Variants in ITPR3 observed in about 807,000 individuals in gnomAD.
ITPR3 encodes inositol 1,4,5-trisphosphate-gated calcium channel ITPR3.
A neutral mutation model predicts 293.2 loss-of-function variants in ITPR3; 173 were observed. The ratio of observed to expected loss-of-function variants is 0.59; its 90% CI spans 0.52 to 0.67. The LOEUF is 0.67. Among genes scored for constraint, ITPR3 ranks in the 30% least tolerant of loss-of-function variants. The pLI is 0.00. For synonymous variants in ITPR3, 1,295 were observed against 1,444.4 expected, an observed-to-expected ratio of 0.90 and a Z score of 2.35; for missense variants, 2,796 against 3,592.1, an observed-to-expected ratio of 0.78 and a Z score of 5.66.
chr6:33,685,895 G>T, intron 41 of ITPR3, 68 bp downstream of exon 41: 1 of 1,539,152 alleles, frequency 6.5e-7, no homozygotes, highest in African/African-American at 1.4e-5. Flanking sequence ...AGGCAGTGTG[G>T]CTGGTGTCCC....
In ITPR3 at chr6:33,673,481, G is replaced by C. The variant is rs1006352362; in HGVS notation, c.2929-110G>C. 5 of 1,400,938 alleles carry C rather than the reference G, an allele frequency of 3.6e-6. No individual in the cohort carries two copies. In the South Asian group the frequency reaches 5.3e-5, roughly 15 times the overall value. 86.8% of individuals were successfully genotyped at this position (1,400,938 alleles called of 1,614,324 possible). A position where few individuals can be genotyped will look rare whatever the true frequency, so the allele number is the denominator to read the frequency against. On this transcript the variant is annotated intron_variant, in intron 22 of 57. Transcript: ENST00000605930. ...GAGGACCCTGCTGCCCCAAGTGCTA[G>C]AGCCTATTTGGGGGCTCCCTGCCCC... is the stretch of plus-strand genomic sequence containing the variant.
rs373772951 is a variant in ITPR3, at chr6:33,640,613, G to A, written c.160+59G>A. 2.6e-5 allele frequency: 35 copies of A among 1,365,882 alleles called. No individual in the cohort carries two copies. The African/African-American group carries it at 3.2e-4, about 12-fold the overall frequency. The allele number at this position is 1,365,882 out of a possible 1,614,324, so 84.6% of individuals were successfully genotyped here. On this transcript the variant is annotated intron_variant, in intron 2 of 57. Coordinates refer to ENST00000605930, the MANE Select transcript of ITPR3 (RefSeq NM_002224.4). ...CCAGGCTGCAGGGTTCTGGACCTGC[G>A]ACTGAATTTATTCAACTGCATTCAG...
intron 6 of ITPR3, 139 bp downstream of exon 6, chr6:33,659,258 A>C (rs1319235238): frequency 1.1e-6 from 1 of 918,332 alleles, no homozygotes; most frequent in South Asian, 1.6e-5. Flanking sequence ...CGGCTTCTGC[A>C]TCCATTTCCC....
Position 33,659,489 on chromosome 6 carries a change from C to A in ITPR3, c.651C>A (p.Thr217=). The change falls in exon 7 of 58, where the codon ACC becomes ACA. Residue 217 remains threonine (T), a synonymous_variant. Coordinates refer to ENST00000605930, the MANE Select transcript of ITPR3 (RefSeq NM_002224.4). ...CKEVNSVNCN[T]SWKINLFMQF... is the part of the protein sequence containing the mutation. ...AGGTCAATTCTGTGAACTGCAACAC[C>A]AGCTGGAAGATCAACCTGTTTATGC... The A allele has an allele frequency of 6.2e-7, 1 of 1,614,150 alleles. No homozygotes were observed. The highest frequency in any genetic ancestry group is 8.5e-7 in the Non-Finnish European group (1 of 1,179,998).
At chr6:33,668,020 G>A in intron 16 of ITPR3, 56 bp downstream of exon 16, 18 of 1,582,750 alleles carry the variant, frequency 1.1e-5, no homozygotes, top group Non-Finnish European at 1.6e-5. Flanking sequence ...CCCTTGCCTG[G>A]GTAGAAACTC....
rs371482846 is a variant in ITPR3 at position 33,670,281 on chromosome 6, C to T, written c.2190-44C>T. 56 of 1,609,416 alleles carry T rather than the reference C, an allele frequency of 3.5e-5. No homozygotes were observed. Among genetic ancestry groups the T allele is most frequent in the African/African-American group, 3.1e-4 (23 of 74,830 alleles). On this transcript the variant is annotated intron_variant, in intron 18 of 57. Coordinates refer to ENST00000605930, the MANE Select transcript of ITPR3 (RefSeq NM_002224.4). This position sits in a 1 kb window ranked among gnomAD's most constrained non-coding sequence, Gnocchi z 6.7. ...CTAGTGCCCAGTGCCAGCAGCCTCCCGGCTGCCATCTGCCGTGTCCTCACA... is the reference window on the plus strand; with the variant it reads ...CTAGTGCCCAGTGCCAGCAGCCTCCTGGCTGCCATCTGCCGTGTCCTCACA...
At chr6:33,695,264 C>T (rs933033457) in intron 57 of ITPR3, 179 bp downstream of exon 57, 14 of 686,874 alleles carry the variant, frequency 2.0e-5, no homozygotes, top group Non-Finnish European at 2.4e-5. Flanking sequence ...GGTTGACAAC[C>T]CCTGCCTTGG....
In ITPR3 at chr6:33,659,470, A is replaced by G; in HGVS notation, c.632A>G (p.Asn211Ser). The change falls in exon 7 of 58, where the codon AAT becomes AGT. Residue 211 changes from asparagine (N) to serine (S), a missense_variant. Coordinates refer to ENST00000605930, the MANE Select transcript of ITPR3 (RefSeq NM_002224.4). ...GGTCTTGTCACCCTTCCGCAGGTCA[A>G]TTCTGTGAACTGCAACACCAGCTGG... ...LSDNAGCKEV[N>S]SVNCNTSWKI... 9 of 1,613,978 alleles carry G rather than the reference A, an allele frequency of 5.6e-6. No individual in the cohort carries two copies. Among genetic ancestry groups the G allele is most frequent in the Non-Finnish European group, 6.8e-6 (8 of 1,179,926 alleles).
intron 1 of ITPR3, among the ~76,000 whole-genome samples, chr6:33,627,777 A>G (rs1271559457): frequency 6.6e-6 from 1 of 152,216 alleles, no homozygotes; most frequent in African/African-American, 2.4e-5. Flanking sequence ...GTGTTGCACT[A>G]GCATGTGGGG....
intron 28 of ITPR3, 48 bp downstream of exon 28, chr6:33,677,677 A>C: frequency 6.2e-7 from 1 of 1,601,742 alleles, no homozygotes. Context: ...CTTCCCCCTG[A>C]ACCCCGGCCT....
intron 24 of ITPR3, 144 bp downstream of exon 24, chr6:33,674,409 C>T (rs1764852813): frequency 4.1e-6 from 3 of 729,058 alleles, no homozygotes; most frequent in East Asian, 2.8e-5. Flanking sequence ...TTGTGCTCAG[C>T]CCCTCCCCTG....
At position 33,662,818 on chromosome 6, in the gene ITPR3, C is replaced by T. The variant is rs138309524; in HGVS notation, c.859-93C>T. On this transcript the variant is annotated intron_variant, in intron 8 of 57. Coordinates refer to ENST00000605930, the MANE Select transcript of ITPR3 (RefSeq NM_002224.4). Reference sequence around the variant, plus strand: ...TCAAAAGGCCAGAGAGGGTCCAGAACCCACCCACCCAGAGATCTCCAGGCC... The same window carrying T: ...TCAAAAGGCCAGAGAGGGTCCAGAATCCACCCACCCAGAGATCTCCAGGCC... 1,129 of 1,490,480 alleles carry T rather than the reference C, an allele frequency of 7.6e-4. 7 individuals carry two copies. The African/African-American group carries it at 0.013, about 18-fold the overall frequency. 92.3% of individuals were successfully genotyped at this position (1,490,480 alleles called of 1,614,324 possible).
At position 33,670,709 on chromosome 6, in the gene ITPR3, A is replaced by G; in HGVS notation, c.2480A>G (p.Lys827Arg). ...CTCAACGCGTCCCGAGATGACAAGAAGAACAAGTTTGCCAACACCATGGAG... is the reference window on the plus strand; with the variant it reads ...CTCAACGCGTCCCGAGATGACAAGAGGAACAAGTTTGCCAACACCATGGAG... Reference protein sequence around the residue: ...SNLNASRDDKKNKFANTMEFV... With the variant: ...SNLNASRDDKRNKFANTMEFV... The change falls in exon 20 of 58, where the codon AAG (lysine) becomes AGG (arginine). Residue 827 changes from lysine (K) to arginine (R), a missense_variant. Physicochemically the swap from Lys to Arg is conservative, Grantham distance 26. This residue lies in a region of ITPR3 where 955 missense variants were observed against 1,180.8 expected (regional missense o/e 0.81). Transcript: ENST00000605930. The surrounding 1 kb of genome is among the most constrained non-coding windows in gnomAD (Gnocchi z 6.7). The G allele has an allele frequency of 1.9e-6, 3 of 1,614,148 alleles. No homozygotes were observed. Among genetic ancestry groups the G allele is most frequent in the Non-Finnish European group, 2.5e-6 (3 of 1,180,026 alleles).
Position 33,669,029 on chromosome 6 carries a change from T to G in ITPR3, c.2062T>G (p.Ser688Ala). Residue 688 changes from serine to alanine, a missense_variant, in exon 18 of 58, where the codon TCA becomes GCA. Ser to Ala is a moderately conservative substitution (Grantham distance 99). Around this residue, in one of 8 missense-constraint regions of ITPR3, gnomAD observed 955 missense variants for 1,180.8 expected, o/e 0.81. Coordinates refer to ENST00000605930, the MANE Select transcript of ITPR3 (RefSeq NM_002224.4). The part of the protein sequence containing the change: ...QSHEYLSIEY[S>A]EEEVWLTWTD... ...CCACGAGTACCTGAGCATCGAGTAC[T>G]CAGAAGAGGAAGTGTGGCTCACGTG... 6.2e-7 allele frequency: 1 copy of G among 1,614,060 alleles called. No homozygotes were observed. The highest frequency in any genetic ancestry group is 8.5e-7 in the Non-Finnish European group (1 of 1,180,016).
In ITPR3 at chr6:33,670,535, CCGTCTCTGGA is replaced by C; in HGVS notation, c.2402_2411del (p.Arg801LeufsTer41). 1 of 1,613,662 alleles carries C rather than the reference CCGTCTCTGGA, an allele frequency of 6.2e-7. No homozygotes were observed. The highest frequency in any genetic ancestry group is 8.5e-7 in the Non-Finnish European group (1 of 1,179,928). On this transcript the variant is annotated frameshift_variant, in exon 19 of 58. Coordinates refer to ENST00000605930, the MANE Select transcript of ITPR3 (RefSeq NM_002224.4). LOFTEE classifies it high-confidence loss of function. The surrounding 1 kb of genome is among the most constrained non-coding windows in gnomAD (Gnocchi z 6.7). ...AGCTGGTCACGCCGGTCAAGTTTGC[CCGTCTCTGGA>C]CTGAGATCCCCACAGCCATCACCAT... is the stretch of plus-strand genomic sequence containing the variant.
At position 33,679,442 on chromosome 6, in the gene ITPR3, T is replaced by C. The variant is rs1469116336; in HGVS notation, c.3973-440T>C. ...AGGACATCATAAACAAGACATGATG[T>C]GCTGGAACTGCTGTACAGTGTTAGT... On this transcript the variant is annotated intron_variant, in intron 30 of 57. Transcript: ENST00000605930. The surrounding 1 kb of genome is among the most constrained non-coding windows in gnomAD (Gnocchi z 4.2). Among the ~76,000 whole-genome samples, 1 of 152,218 alleles carries C rather than the reference T, an allele frequency of 6.6e-6. No homozygotes were observed. Among genetic ancestry groups the C allele is most frequent in the Non-Finnish European group, 1.5e-5 (1 of 68,046 alleles).
intron 16 of ITPR3, 68 bp downstream of exon 16, chr6:33,668,032 G>A: frequency 1.3e-6 from 2 of 1,555,988 alleles, no homozygotes; most frequent in Non-Finnish European, 1.8e-6. Context: ...TAGAAACTCT[G>A]CTGGTTGTGT....
chr6:33,669,851 C>A (rs1054235035), intron 18 of ITPR3, among the ~76,000 whole-genome samples: 1 of 152,202 alleles, frequency 6.6e-6, no homozygotes, highest in Non-Finnish European at 1.5e-5. Context: ...GGCTCCAGAG[C>A]CCCCAGGAAG....
In ITPR3 at chr6:33,690,860, G is replaced by A. The variant is rs575465870; in HGVS notation, c.7033-57G>A. On this transcript the variant is annotated intron_variant, in intron 51 of 57. Transcript: ENST00000605930. ...TCAGGGTTCCAGTGGCAGCCCCAGT[G>A]AGAGTGGCCGGCCCAGCCCCTCAAG... The A allele has an allele frequency of 3.5e-5, 54 of 1,522,828 alleles. No homozygotes were observed. In the African/African-American group the frequency reaches 6.8e-4, roughly 19 times the overall value. 94.3% of individuals were successfully genotyped at this position (1,522,828 alleles called of 1,614,324 possible). A position where few individuals can be genotyped will look rare whatever the true frequency, so the allele number is the denominator to read the frequency against.
Sources: allele counts gnomAD v4.1 joint callset (sites outside exome capture counted in the v4.1 genomes callset), GRCh38; gene constraint gnomAD v4.1.1; regional missense constraint gnomAD v4.1.1; non-coding constraint Gnocchi (gnomAD v3.1); transcripts MANE v1.5; gene names NCBI Gene and HGNC (gene_info 2026-07-23, HGNC 2026-07-21).